The following ENOX2 variants were observed in gnomAD, a reference collection of about 807,000 sequenced individuals.
ENOX2 encodes ecto-NOX disulfide-thiol exchanger 2.
A neutral mutation model predicts 45.0 loss-of-function variants in ENOX2; 36 were observed. The observed-to-expected ratio is 0.80, with a 90% CI of 0.61 to 1.06. ENOX2 has a LOEUF of 1.06. Among genes scored for constraint, ENOX2 ranks in the 50% least tolerant of loss-of-function variants. The probability of loss-of-function intolerance (pLI) is 0.00; values close to 1 mark genes in which losing one functional copy is unlikely to be tolerated. For missense variants in ENOX2, 423 were observed against 462.5 expected, an observed-to-expected ratio of 0.91 and a Z score of 0.78; for synonymous variants, 174 against 152.3, an observed-to-expected ratio of 1.14 and a Z score of -1.05.
chrX:130,814,815 T>C (rs1482942556), intron 2 of ENOX2, among the ~76,000 whole-genome samples: 1 of 111,021 alleles, frequency 9.0e-6, no homozygotes, highest in African/African-American at 3.3e-5. Flanking sequence ...AGTCTGAAAA[T>C]TCCAAAAACC....
At chrX:130,625,921 T>TC (rs2035533374) in intron 14 of ENOX2, among the ~76,000 whole-genome samples, 1 of 103,532 alleles carries the variant, frequency 9.7e-6, no homozygotes, top group Non-Finnish European at 2.0e-5. Flanking sequence ...CTCTCTCTCT[T>TC]TCACACACAC....
In ENOX2 at chrX:130,760,059, G is replaced by T. The variant is rs144956126; in HGVS notation, c.-39+23488C>A. 9.3e-3 allele frequency among the ~76,000 whole-genome samples: 1,034 copies of T among 111,329 alleles called. 17 individuals are homozygous for T. The highest frequency in any genetic ancestry group is 0.032 in the African/African-American group (970 of 30,646). On this transcript the variant is annotated intron_variant, in intron 3 of 14. Transcript: ENST00000394363. Reference sequence around the variant, plus strand: ...TATATTTAATTATTTCATTTTATTTGGATTACTTCAAATGGTATTGTCTTT... The same window carrying T: ...TATATTTAATTATTTCATTTTATTTTGATTACTTCAAATGGTATTGTCTTT...
chrX:130,819,375 G>A (rs958702073), intron 2 of ENOX2, among the ~76,000 whole-genome samples: 2 of 111,770 alleles, frequency 1.8e-5, no homozygotes, highest in African/African-American at 6.5e-5. Flanking sequence ...TCATTACTGG[G>A]TATATACCCA....
intron 2 of ENOX2, among the ~76,000 whole-genome samples, chrX:130,814,965 G>A (rs1334655643): frequency 1.8e-5 from 2 of 111,387 alleles, no homozygotes; most frequent in East Asian, 2.8e-4. Flanking sequence ...AAAGGAGCAT[G>A]TTCTAACCCA....
chrX:130,900,209 C>CTAAGT (rs2079122585), intron 2 of ENOX2, among the ~76,000 whole-genome samples: 1 of 112,785 alleles, frequency 8.9e-6, no homozygotes, highest in Admixed American at 9.3e-5. Context: ...ACCATATTCA[C>CTAAGT]ACACAATGTG....
intron 3 of ENOX2, among the ~76,000 whole-genome samples, chrX:130,742,231 G>C (rs770698070): frequency 4.5e-4 from 44 of 97,670 alleles, no homozygotes; most frequent in African/African-American, 1.4e-3. Context: ...GTCTGGTTTG[G>C]TACAGATAAT....
At chrX:130,826,667 CAA>C (rs1196798940) in intron 2 of ENOX2, among the ~76,000 whole-genome samples, 8 of 111,590 alleles carry the variant, frequency 7.2e-5, no homozygotes. Flanking sequence ...TAAAAGTGAA[CAA>C]GAGATAATTC....
rs777784447 is a variant in ENOX2, at chrX:130,792,717, C to T, written c.-182-9027G>A. 4.2e-3 allele frequency among the ~76,000 whole-genome samples: 466 copies of T among 111,482 alleles called. 2 individuals carry two copies. The highest frequency in any genetic ancestry group is 0.014 in the African/African-American group (438 of 30,687). On this transcript the variant is annotated intron_variant, in intron 2 of 14. Transcript: ENST00000394363. ...CTGAGGCAGGAGAATCACTTGAACC[C>T]GGGTGGCGGAGGTTGCAGTGGGCTG... is the stretch of plus-strand genomic sequence containing the variant.
At chrX:130,800,081 C>T (rs1462659279) in intron 2 of ENOX2, among the ~76,000 whole-genome samples, 1 of 110,580 alleles carries the variant, frequency 9.0e-6, no homozygotes, top group South Asian at 3.8e-4. Context: ...AAGAGTCTAA[C>T]GCTGAAATGC....
chrX:130,665,827 A>C, intron 8 of ENOX2, 78 bp from the exon 9 acceptor site: 1 of 598,628 alleles, frequency 1.7e-6, no homozygotes, highest in Admixed American at 2.7e-5. Flanking sequence ...AAGAAATGAA[A>C]TAAAAGAGAA....
intron 6 of ENOX2, among the ~76,000 whole-genome samples, chrX:130,676,881 G>A (rs746730533): frequency 1.8e-5 from 2 of 111,197 alleles, no homozygotes; most frequent in East Asian, 2.8e-4. Flanking sequence ...TTAATCTTGC[G>A]GAAATAATTA....
chrX:130,692,880 G>A (rs1229420385), intron 4 of ENOX2, among the ~76,000 whole-genome samples: 1 of 110,464 alleles, frequency 9.1e-6, no homozygotes, highest in African/African-American at 3.3e-5. Flanking sequence ...TGAGCCACCA[G>A]GCCCAGCCCG....
chrX:130,625,260 T>A lies in ENOX2; in HGVS notation c.*54A>T. 8.6e-7 allele frequency: 1 copy of A among 1,159,549 alleles called. No homozygotes were observed. The highest frequency in any genetic ancestry group is 2.0e-5 in the South Asian group (1 of 51,197). On this transcript the variant is annotated 3_prime_UTR_variant, in exon 15 of 15. Coordinates refer to ENST00000394363, the MANE Select transcript of ENOX2 (RefSeq NM_006375.4). ...CATTAAAAATATAAATCACTTTCTA[T>A]GCTTGTCCAACACATATTTATCTTC...
intron 10 of ENOX2, among the ~76,000 whole-genome samples, chrX:130,646,575 C>T (rs1469411056): frequency 8.9e-6 from 1 of 112,340 alleles, no homozygotes. Context: ...AAGATGAAAC[C>T]GCAGGCCAGG....
chrX:130,679,790 C>T, intron 5 of ENOX2, 42 bp from the exon 6 acceptor site: 1 of 1,029,285 alleles, frequency 9.7e-7, no homozygotes, highest in Non-Finnish European at 1.4e-6. Context: ...AAAATGTTTG[C>T]TTGGGACAGA....
intron 10 of ENOX2, among the ~76,000 whole-genome samples, chrX:130,656,260 T>C (rs2036544494): frequency 1.8e-5 from 2 of 112,903 alleles, no homozygotes; most frequent in African/African-American, 3.2e-5. Flanking sequence ...ACTAAGGACC[T>C]GTAACACGGC....
chrX:130,890,381 A>G (rs899952231), intron 2 of ENOX2, among the ~76,000 whole-genome samples: 1 of 111,353 alleles, frequency 9.0e-6, no homozygotes, highest in Non-Finnish European at 1.9e-5. Context: ...TAAACCACCC[A>G]AGCTCCTCCT....
chrX:130,768,426 C>A, intron 3 of ENOX2, among the ~76,000 whole-genome samples: 1 of 112,006 alleles, frequency 8.9e-6, no homozygotes, highest in Middle Eastern at 4.6e-3. Context: ...TAAATACACC[C>A]TTAGGCATGT....
intron 2 of ENOX2, among the ~76,000 whole-genome samples, chrX:130,818,139 T>G (rs767765759): frequency 8.9e-6 from 1 of 111,821 alleles, no homozygotes; most frequent in Non-Finnish European, 1.9e-5. Flanking sequence ...AGCCAAATCA[T>G]GAGTGAACTC....
Sources: gnomAD v4.1 joint callset for allele counts (sites outside exome capture counted in the v4.1 genomes callset) on GRCh38, gnomAD v4.1.1 for gene constraint, MANE v1.5 for transcripts, NCBI Gene and HGNC (gene_info 2026-07-23, HGNC 2026-07-21) for gene names.